The following SNUPN variants were observed in gnomAD, a reference collection of about 807,000 sequenced individuals.
The protein encoded by SNUPN is snurportin-1.
Under a neutral mutation model 39.2 loss-of-function variants are expected in SNUPN, and 31 were observed. The ratio of observed to expected loss-of-function variants is 0.79; its 90% CI spans 0.59 to 1.07. The LOEUF (loss-of-function observed/expected upper bound fraction) is 1.07. Among genes scored for constraint, SNUPN ranks in the 50% least tolerant of loss-of-function variants. The probability of loss-of-function intolerance (pLI) is 0.00; values close to 1 mark genes in which losing one functional copy is unlikely to be tolerated. For missense variants in SNUPN, 382 were observed against 434.2 expected (o/e 0.88, Z 1.07); for synonymous variants, 132 against 159.0 (o/e 0.83, Z 1.28).
chr15:75,617,573 T>A (rs1892969624), intron 2 of SNUPN, 21 bp from the exon 3 acceptor site: 2 of 1,595,734 alleles, frequency 1.3e-6, no homozygotes, highest in African/African-American at 2.7e-5. Context: ...AAAAAAGGCA[T>A]AAGGACATAT....
chr15:75,619,683 G>A (rs1258551057), intron 2 of SNUPN, among the ~76,000 whole-genome samples: 1 of 151,986 alleles, frequency 6.6e-6, no homozygotes, highest in East Asian at 1.9e-4. Context: ...AATAATATAG[G>A]AGAGGAACTG....
intron 3 of SNUPN, among the ~76,000 whole-genome samples, chr15:75,611,477 C>A (rs933521964): frequency 3.3e-5 from 5 of 151,552 alleles, no homozygotes; most frequent in African/African-American, 1.2e-4. Flanking sequence ...TGGTCTCGAT[C>A]TCCTGACCTC....
chr15:75,598,245 G>A lies in SNUPN; in HGVS notation c.*113C>T. 1 of 795,838 alleles carries A rather than the reference G, an allele frequency of 1.3e-6. No homozygotes were observed. Among genetic ancestry groups the A allele is most frequent in the Non-Finnish European group, 2.0e-6 (1 of 508,136 alleles). 49.3% of individuals were successfully genotyped at this position (795,838 alleles called of 1,614,324 possible). ...AGATAAGCTGTTTCCAGCTGGACTGGGTTTGGAAAGTTCACTCTAAAGAAT... is the reference window on the plus strand; with the variant it reads ...AGATAAGCTGTTTCCAGCTGGACTGAGTTTGGAAAGTTCACTCTAAAGAAT... On this transcript the variant is annotated 3_prime_UTR_variant, in exon 9 of 9. Transcript: ENST00000308588.
intron 3 of SNUPN, among the ~76,000 whole-genome samples, chr15:75,611,381 T>C (rs918359702): frequency 2.0e-5 from 3 of 149,916 alleles, no homozygotes; most frequent in Non-Finnish European, 3.0e-5. Flanking sequence ...GCCTCCCGAG[T>C]AGCTGGGACT....
rs371682235 is a variant in SNUPN, at chr15:75,609,671, C to T, written c.409-20G>A. On this transcript the variant is annotated intron_variant, in intron 4 of 8. Coordinates refer to ENST00000308588, the MANE Select transcript of SNUPN (RefSeq NM_005701.4). ...AGAACCCTGCATGGAGAGAAAGTTA[C>T]CATTCTTATTAGACCTCAAGGTCTC... 1.3e-5 allele frequency: 21 copies of T among 1,574,854 alleles called. No homozygotes were observed. In the African/African-American group the frequency reaches 2.7e-4, roughly 20 times the overall value.
chr15:75,624,574 G>A (rs1291630009), intron 1 of SNUPN: 3 of 220,974 alleles, frequency 1.4e-5, no homozygotes, highest in Middle Eastern at 1.1e-3. Flanking sequence ...TCGGGAGGCT[G>A]AGGCAGGAGA....
chr15:75,624,496 TAAAA>T (rs59069672), intron 1 of SNUPN, among the ~76,000 whole-genome samples: 4 of 123,850 alleles, frequency 3.2e-5, no homozygotes, highest in Admixed American at 8.3e-5. Context: ...CCGTCTCTAC[TAAAA>T]AAAAAAAAAA....
intron 3 of SNUPN, among the ~76,000 whole-genome samples, chr15:75,613,654 A>AG (rs1892856649): frequency 6.6e-6 from 1 of 151,308 alleles, no homozygotes; most frequent in Non-Finnish European, 1.5e-5. Context: ...AAAAAAAAAA[A>AG]AAAGAAAAGA....
rs369650312 is a variant in SNUPN at position 75,611,401 on chromosome 15, C to T, written c.304-1407G>A. 6.0e-5 allele frequency among the ~76,000 whole-genome samples: 9 copies of T among 151,038 alleles called. No homozygotes were observed. The East Asian group carries it at 1.5e-3, about 25-fold the overall frequency. On this transcript the variant is annotated intron_variant, in intron 3 of 8. Transcript: ENST00000308588. ...CCGAGTAGCTGGGACTACAGTCACC[C>T]GCCACTGTGCCCAGCTAATTTTTTG... is the stretch of plus-strand genomic sequence containing the variant.
chr15:75,620,806 A>G, intron 2 of SNUPN, 88 bp downstream of exon 2: 1 of 1,148,548 alleles, frequency 8.7e-7, no homozygotes, highest in East Asian at 2.4e-5. Context: ...CTTTGAAGGG[A>G]GAGTCTGTAG....
chr15:75,623,098 T>G (rs1236807685), intron 1 of SNUPN, among the ~76,000 whole-genome samples: 2 of 152,188 alleles, frequency 1.3e-5, no homozygotes, highest in Non-Finnish European at 2.9e-5. Context: ...TCTCCAGAAC[T>G]CCTTTTATCT....
chr15:75,601,668 A>G (rs929243950), intron 7 of SNUPN, among the ~76,000 whole-genome samples: 1 of 152,092 alleles, frequency 6.6e-6, no homozygotes, highest in Non-Finnish European at 1.5e-5. Context: ...GGATCGCTTG[A>G]GCCTGAGGTC....
rs930974048 is a variant in SNUPN, at chr15:75,598,779, C to A, written c.760-98G>T. 6 of 879,150 alleles carry A rather than the reference C, an allele frequency of 6.8e-6. No homozygotes were observed. The East Asian group carries it at 1.0e-4, about 15-fold the overall frequency. The allele number at this position is 879,150 out of a possible 1,614,324, so 54.5% of individuals were successfully genotyped here. A position where few individuals can be genotyped will look rare whatever the true frequency, so the allele number is the denominator to read the frequency against. ...AAGGGCAGCTCTTGTGGTCCGACTC[C>A]TTTTTCTGGGTCACTGACAGAGGAA... On this transcript the variant is annotated intron_variant, in intron 8 of 8. Transcript: ENST00000308588.
At chr15:75,617,030 G>A (rs993526094) in intron 3 of SNUPN, among the ~76,000 whole-genome samples, 3 of 152,246 alleles carry the variant, frequency 2.0e-5, no homozygotes, top group African/African-American at 7.2e-5. Context: ...GTCAGTGGTA[G>A]GCTGGGCAGG....
chr15:75,598,893 C>T (rs772196598), intron 8 of SNUPN, among the ~76,000 whole-genome samples: 25 of 151,954 alleles, frequency 1.6e-4, no homozygotes, highest in South Asian at 4.1e-4. Flanking sequence ...ATTGGCTGGG[C>T]GTGGTGGCTC....
rs1893209516 is a variant in SNUPN, at chr15:75,625,701, C to G, written c.-41G>C. On this transcript the variant is annotated 5_prime_UTR_variant, in exon 1 of 9. Transcript: ENST00000308588. Reference sequence around the variant, plus strand: ...GTGACCGTCGCACGCGCCGCCGCCACCGGGGCCGACGAATCACCTGCCCTG... The same window carrying G: ...GTGACCGTCGCACGCGCCGCCGCCAGCGGGGCCGACGAATCACCTGCCCTG... The G allele has an allele frequency of 6.6e-6, 1 of 152,224 alleles. No homozygotes were observed. Among genetic ancestry groups the G allele is most frequent in the African/African-American group, 2.4e-5 (1 of 41,398 alleles). The allele number at this position is 152,224 out of a possible 1,614,324, so 9.4% of individuals were successfully genotyped here.
At position 75,598,144 on chromosome 15, in the gene SNUPN, A is replaced by C. The variant is rs1304461662; in HGVS notation, c.*214T>G. On this transcript the variant is annotated 3_prime_UTR_variant, in exon 9 of 9. Coordinates refer to ENST00000308588, the MANE Select transcript of SNUPN (RefSeq NM_005701.4). The stretch of plus-strand genomic sequence containing the variant: ...TCTGGGATACACTTATCACAGTAGG[A>C]GCTGCTCAAATCAATCTGAATGCTA... 2 of 540,174 alleles carry C rather than the reference A, an allele frequency of 3.7e-6. No homozygotes were observed. The highest frequency in any genetic ancestry group is 3.8e-5 in the African/African-American group (2 of 53,076). 33.5% of individuals were successfully genotyped at this position (540,174 alleles called of 1,614,324 possible).
chr15:75,613,789 G>A (rs1350746773), intron 3 of SNUPN, among the ~76,000 whole-genome samples: 2 of 152,182 alleles, frequency 1.3e-5, no homozygotes, highest in South Asian at 2.1e-4. Context: ...AACAAGTGTT[G>A]GCAAAGCTGT....
In SNUPN at chr15:75,603,660, C is replaced by CAAA. The variant is rs775817247; in HGVS notation, c.678+1487_678+1489dup. On this transcript the variant is annotated intron_variant, in intron 7 of 8. Coordinates refer to ENST00000308588, the MANE Select transcript of SNUPN (RefSeq NM_005701.4). ...TGGGTGACGGAGCGAGACTCTGTCT[C>CAAA]AAAAAAAAAAAAAAAAAAAAAGCTC... Among the ~76,000 whole-genome samples the CAAA allele has an allele frequency of 5.4e-4, 24 of 44,084 alleles. 1 individual carries two copies. The highest frequency in any genetic ancestry group is 1.8e-3 in the African/African-American group (22 of 12,140). 28.9% of individuals were successfully genotyped at this position (44,084 alleles called of 152,430 possible). A position where few individuals can be genotyped will look rare whatever the true frequency, so the allele number is the denominator to read the frequency against.
Sources: gnomAD v4.1 joint callset for allele counts (sites outside exome capture counted in the v4.1 genomes callset) on GRCh38, gnomAD v4.1.1 for gene constraint, MANE v1.5 for transcripts, NCBI Gene and HGNC (gene_info 2026-07-23, HGNC 2026-07-21) for gene names.